Variants in ABL1 observed in about 807,000 individuals in gnomAD.
ABL1 encodes ABL proto-oncogene 1, non-receptor tyrosine kinase.
A neutral mutation model predicts 94.7 loss-of-function variants in ABL1; 11 were observed. That is an observed-to-expected ratio of 0.12 (90% CI 0.07 to 0.19). The LOEUF (loss-of-function observed/expected upper bound fraction) is 0.19, where lower values mean the gene tolerates loss of function less well. Among genes scored for constraint, ABL1 ranks in the 10% least tolerant of loss-of-function variants. The pLI, the probability that ABL1 is intolerant of heterozygous loss-of-function variation, is 1.00. For synonymous variants in ABL1, 656 were observed against 622.4 expected (o/e 1.05, Z -0.80); for missense variants, 1,082 against 1,489.4 (o/e 0.73, Z 4.50).
chr9:130,867,416 A>ACAG (rs1564316969), intron 4 of ABL1, among the ~76,000 whole-genome samples: 1 of 152,194 alleles, frequency 6.6e-6, no homozygotes, highest in Non-Finnish European at 1.5e-5. Context: ...GCTGTTCTAA[A>ACAG]CAGCAGCACA....
At chr9:130,878,337 A>G in intron 7 of ABL1, 78 bp from the exon 8 acceptor site, 1 of 1,546,646 alleles carries the variant, frequency 6.5e-7, no homozygotes, top group East Asian at 2.3e-5. Context: ...GGTCTGCTGC[A>G]AAGGTAACTG....
intron 1 of ABL1, among the ~76,000 whole-genome samples, chr9:130,827,772 G>A (rs1830443231): frequency 1.3e-5 from 2 of 151,948 alleles, no homozygotes; most frequent in Admixed American, 1.3e-4. Flanking sequence ...GCAGGCACCT[G>A]TAATCCCAGC....
chr9:130,756,872 T>G (rs1489681270), intron 1 of ABL1, among the ~76,000 whole-genome samples: 1 of 152,182 alleles, frequency 6.6e-6, no homozygotes, highest in Admixed American at 6.5e-5. Context: ...AGCTCCTTTT[T>G]GCCTTGAGCT....
chr9:130,885,705 C>A lies in ABL1; in HGVS notation c.*22C>A. On this transcript the variant is annotated 3_prime_UTR_variant, in exon 11 of 11. Transcript: ENST00000318560. ...GTAGCAGCAGTCAGGGGTCAGGTGT[C>A]AGGCCCGTCGGAGCTGCCTGCAGCA... 1 of 1,594,254 alleles carries A rather than the reference C, an allele frequency of 6.3e-7. No homozygotes were observed. The highest frequency in any genetic ancestry group is 1.1e-5 in the South Asian group (1 of 87,890).
intron 1 of ABL1, among the ~76,000 whole-genome samples, chr9:130,829,282 C>G (rs1318385694): frequency 6.6e-6 from 1 of 152,122 alleles, no homozygotes; most frequent in Admixed American, 6.6e-5. Context: ...GAACTGAGCC[C>G]GGGCACGGTG....
chr9:130,884,192 C>T lies in ABL1; in HGVS notation c.1902C>T (p.Gly634=), dbSNP rs747192341. ...GCCAGCCGGAGCGCAGAGGGGCCGG[C>T]GAGGAAGAGGGCCGAGACATCAGCA... is the stretch of plus-strand genomic sequence containing the variant. ...MDGQPERRGA[G]EEEGRDISNG... is the part of the protein sequence containing the mutation. Residue 634 remains glycine (G), a synonymous_variant, in exon 11 of 11, where the codon GGC becomes GGT. Transcript: ENST00000318560. The surrounding 1 kb of genome is among the most constrained non-coding windows in gnomAD (Gnocchi z 5.6). 6.8e-6 allele frequency: 11 copies of T among 1,611,900 alleles called. No homozygotes were observed. Among genetic ancestry groups the T allele is most frequent in the East Asian group, 2.2e-5 (1 of 44,876 alleles).
At position 130,884,350 on chromosome 9, in the gene ABL1, GGAA is replaced by G. The variant is rs1207732195; in HGVS notation, c.2065_2067del (p.Lys689del). 4.3e-6 allele frequency: 7 copies of G among 1,612,144 alleles called. No individual in the cohort carries two copies. Among genetic ancestry groups the G allele is most frequent in the Non-Finnish European group, 5.9e-6 (7 of 1,179,758 alleles). On this transcript the variant is annotated inframe_deletion, in exon 11 of 11. Transcript: ENST00000318560. The surrounding 1 kb of genome is among the most constrained non-coding windows in gnomAD (Gnocchi z 5.6). Reference sequence around the variant, plus strand: ...TCAGGCTTCCGGTCTCCCCACCTGTGGAAGAAGTCCAGCACGCTGACCAGCAGC... The same window carrying G: ...TCAGGCTTCCGGTCTCCCCACCTGTGGAAGTCCAGCACGCTGACCAGCAGC...
intron 1 of ABL1, among the ~76,000 whole-genome samples, chr9:130,852,803 G>A (rs1217052133): frequency 6.6e-6 from 1 of 152,022 alleles, no homozygotes; most frequent in Non-Finnish European, 1.5e-5. Flanking sequence ...ATCTGTTTCA[G>A]ACAAAACATG....
chr9:130,885,710 C>G lies in ABL1; in HGVS notation c.*27C>G, dbSNP rs973096374. 1 of 1,589,762 alleles carries G rather than the reference C, an allele frequency of 6.3e-7. No individual in the cohort carries two copies. The highest frequency in any genetic ancestry group is 8.6e-7 in the Non-Finnish European group (1 of 1,167,250). On this transcript the variant is annotated 3_prime_UTR_variant, in exon 11 of 11. Coordinates refer to ENST00000318560, the MANE Select transcript of ABL1 (RefSeq NM_005157.6). ...AGCAGTCAGGGGTCAGGTGTCAGGC[C>G]CGTCGGAGCTGCCTGCAGCACATGC...
chr9:130,744,726 G>A (rs1158546955), intron 1 of ABL1, among the ~76,000 whole-genome samples: 1 of 151,038 alleles, frequency 6.6e-6, no homozygotes, highest in African/African-American at 2.4e-5. Flanking sequence ...GCGTAGTGGT[G>A]GGCGCCTGTA....
At chr9:130,823,468 GC>G (rs895925940) in intron 1 of ABL1, among the ~76,000 whole-genome samples, 17 of 152,166 alleles carry the variant, frequency 1.1e-4, no homozygotes, top group African/African-American at 3.1e-4. Context: ...ATTCAAACAA[GC>G]GAGATGCTTC....
chr9:130,823,915 G>A (rs1352902357), intron 1 of ABL1, among the ~76,000 whole-genome samples: 1 of 152,172 alleles, frequency 6.6e-6, no homozygotes, highest in East Asian at 1.9e-4. Flanking sequence ...TTTCATCAAA[G>A]AAAGTCTAGT....
chr9:130,840,429 G>T (rs1025524646), intron 1 of ABL1, among the ~76,000 whole-genome samples: 1 of 152,134 alleles, frequency 6.6e-6, no homozygotes, highest in Non-Finnish European at 1.5e-5. Context: ...TGAAAATCTG[G>T]TGCCACTTAC....
At chr9:130,806,033 G>A (rs190182802) in intron 1 of ABL1, among the ~76,000 whole-genome samples, 23 of 152,344 alleles carry the variant, frequency 1.5e-4, no homozygotes, top group Admixed American at 5.2e-4. Context: ...AAAATAGGAA[G>A]AAAGCAGGTG....
At chr9:130,834,005 C>G (rs777143490), upstream of ABL1, 1 of 456,028 alleles carries the variant, frequency 2.2e-6, no homozygotes, top group Non-Finnish European at 4.4e-6. Flanking sequence ...GCATCATCCA[C>G]TGGTCGGGAG....
intron 1 of ABL1, among the ~76,000 whole-genome samples, chr9:130,838,602 T>G (rs1343522386): frequency 1.3e-5 from 2 of 152,198 alleles, no homozygotes; most frequent in Non-Finnish European, 2.9e-5. Flanking sequence ...AATTTTGCTC[T>G]CCAGCTTTTT....
chr9:130,765,381 T>C (rs1333790285), intron 1 of ABL1, among the ~76,000 whole-genome samples: 3 of 152,190 alleles, frequency 2.0e-5, no homozygotes, highest in Admixed American at 6.5e-5. Flanking sequence ...CCTGTCTACA[T>C]GGAAATCCTT....
chr9:130,735,717 T>C (rs1831726218), intron 1 of ABL1, among the ~76,000 whole-genome samples: 1 of 151,564 alleles, frequency 6.6e-6, no homozygotes. Flanking sequence ...TTCTGGACTT[T>C]TGGAGTGTTT....
At chr9:130,799,282 T>C (rs969446379) in intron 1 of ABL1, among the ~76,000 whole-genome samples, 1 of 152,188 alleles carries the variant, frequency 6.6e-6, no homozygotes, top group Non-Finnish European at 1.5e-5. Flanking sequence ...TTTTGTAAAA[T>C]GCATGAAGTG....
Sources: gnomAD v4.1 joint callset for allele counts (sites outside exome capture counted in the v4.1 genomes callset) on GRCh38, gnomAD v4.1.1 for gene constraint, Gnocchi (gnomAD v3.1) non-coding constraint, MANE v1.5 for transcripts, NCBI Gene and HGNC (gene_info 2026-07-23, HGNC 2026-07-21) for gene names.